The following CACNA2D1 variants were observed in gnomAD, a reference collection of about 807,000 sequenced individuals.
CACNA2D1 encodes the protein voltage-dependent calcium channel subunit alpha-2/delta-1.
CACNA2D1 carries 53 observed loss-of-function variants against 171.5 expected under a neutral mutation model. That is an observed-to-expected ratio of 0.31 (90% CI 0.25 to 0.39). The LOEUF (loss-of-function observed/expected upper bound fraction) is 0.39, where lower values mean the gene tolerates loss of function less well. CACNA2D1 is among the 10% of genes least tolerant of loss of function. The pLI is 1.00. For synonymous variants in CACNA2D1, 442 were observed against 443.1 expected, an observed-to-expected ratio of 1.00 and a Z score of 0.03; for missense variants, 903 against 1,299.8, an observed-to-expected ratio of 0.69 and a Z score of 4.69.
Position 81,962,604 on chromosome 7 carries a change from C to T in CACNA2D1, c.2781-109G>A, listed in dbSNP as rs563249631. The T allele has an allele frequency of 1.8e-4, 132 of 721,858 alleles. No homozygotes were observed. The East Asian group carries it at 3.5e-3, about 19-fold the overall frequency. The allele number at this position is 721,858 out of a possible 1,614,324, so 44.7% of individuals were successfully genotyped here. The stretch of plus-strand genomic sequence containing the variant: ...CCTTTATCTTTTTGGGAAAGAAAGT[C>T]TTGGAGTGTTTTTATTTAAGTATTT... On this transcript the variant is annotated intron_variant, in intron 34 of 38. Transcript: ENST00000356860.
At chr7:82,385,670 GTT>G (rs1824278254) in intron 1 of CACNA2D1, among the ~76,000 whole-genome samples, 1 of 137,554 alleles carries the variant, frequency 7.3e-6, no homozygotes, top group South Asian at 2.1e-4. Flanking sequence ...GTTTTGTTTT[GTT>G]TTGTTTTTTT....
At chr7:81,984,068 A>G (rs1796710190) in intron 22 of CACNA2D1, among the ~76,000 whole-genome samples, 2 of 152,334 alleles carry the variant, frequency 1.3e-5, no homozygotes, top group Admixed American at 6.5e-5. Context: ...GCTTAAAAAA[A>G]TTAATCCATT....
intron 6 of CACNA2D1, among the ~76,000 whole-genome samples, chr7:82,103,165 G>A (rs1228727095): frequency 1.3e-5 from 2 of 152,006 alleles, no homozygotes; most frequent in African/African-American, 4.8e-5. Flanking sequence ...AAAATTAGCT[G>A]GGCATGGTGG....
intron 21 of CACNA2D1, among the ~76,000 whole-genome samples, chr7:81,985,280 C>A (rs1439258423): frequency 6.8e-6 from 1 of 146,560 alleles, no homozygotes; most frequent in Admixed American, 6.9e-5. Context: ...TGGCTCATCA[C>A]AGCCTAAATC....
chr7:81,956,656 G>C (rs968101669), intron 38 of CACNA2D1, among the ~76,000 whole-genome samples: 1 of 151,962 alleles, frequency 6.6e-6, no homozygotes, highest in African/African-American at 2.4e-5. Flanking sequence ...GACTCCCTCT[G>C]CTATTCTACT....
At chr7:82,216,157 G>GA (rs1173644633) in intron 3 of CACNA2D1, among the ~76,000 whole-genome samples, 2 of 151,854 alleles carry the variant, frequency 1.3e-5, no homozygotes, top group Non-Finnish European at 2.9e-5. Flanking sequence ...CAACTCAATG[G>GA]AAAAAAATGC....
intron 3 of CACNA2D1, among the ~76,000 whole-genome samples, chr7:82,217,364 T>C (rs1360106529): frequency 4.7e-5 from 6 of 127,736 alleles, no homozygotes; most frequent in Non-Finnish European, 9.6e-5. Flanking sequence ...AAAAAATATA[T>C]ATATACACAC....
intron 1 of CACNA2D1, among the ~76,000 whole-genome samples, chr7:82,421,778 C>A (rs1828737400): frequency 6.6e-6 from 1 of 152,120 alleles, no homozygotes; most frequent in Non-Finnish European, 1.5e-5. Context: ...CATCTCATTG[C>A]AAATGAGGAT....
Position 82,443,365 on chromosome 7 carries a change from G to A in CACNA2D1, c.95C>T (p.Thr32Ile). Residue 32 changes from threonine (T) to isoleucine (I), a missense_variant and splice_region_variant, in exon 1 of 39, where the codon ACT (threonine) becomes ATT (isoleucine). Physicochemically the swap from Thr to Ile is moderately conservative, Grantham distance 89. This residue lies in a region of CACNA2D1 where 189 missense variants were observed against 266.8 expected (regional missense o/e 0.71). Transcript: ENST00000356860. ...SSEEPFPSAV[T>I]IKSWVDKMQE... ...CTCCCTGCCCGGCCCGCCGACTTAC[G>A]TGACGGCCGAAGGGAACGGCTCCTC... is the stretch of plus-strand genomic sequence containing the variant. The A allele has an allele frequency of 6.3e-7, 1 of 1,599,882 alleles. No homozygotes were observed. Among genetic ancestry groups the A allele is most frequent in the African/African-American group, 1.4e-5 (1 of 73,804 alleles).
At position 82,091,221 on chromosome 7, in the gene CACNA2D1, G is replaced by A. The variant is rs1811114680; in HGVS notation, c.527-6321C>T. 2.6e-5 allele frequency among the ~76,000 whole-genome samples: 4 copies of A among 152,320 alleles called. No individual in the cohort carries two copies. The South Asian group carries it at 8.3e-4, about 32-fold the overall frequency. On this transcript the variant is annotated intron_variant, in intron 6 of 38. Coordinates refer to ENST00000356860, the MANE Select transcript of CACNA2D1 (RefSeq NM_000722.4). ...TGAATAAGGTACAGGGAGATGGGAA[G>A]ACCAAATCTAATCTCTCTAATCATG...
chr7:82,091,636 T>G (rs150926970), intron 6 of CACNA2D1, among the ~76,000 whole-genome samples: 176 of 152,312 alleles, frequency 1.2e-3, no homozygotes, highest in African/African-American at 4.0e-3. Context: ...TAATGTCACT[T>G]GAAATAAAAT....
chr7:82,135,786 G>C (rs935626446), intron 5 of CACNA2D1, among the ~76,000 whole-genome samples: 3 of 152,046 alleles, frequency 2.0e-5, no homozygotes, highest in African/African-American at 7.2e-5. Flanking sequence ...TGATTCGGAT[G>C]AGAAATGTGT....
chr7:81,962,084 A>C (rs1584191838), intron 35 of CACNA2D1, 61 bp from the exon 36 acceptor site: 1 of 1,524,472 alleles, frequency 6.6e-7, no homozygotes, highest in Non-Finnish European at 9.1e-7. Context: ...CTCTGTAGTC[A>C]CTCCCCTCGA....
rs188476222 is a variant in CACNA2D1, at chr7:82,253,441, T to C, written c.294+81694A>G. Among the ~76,000 whole-genome samples, 437 of 152,312 alleles carry C rather than the reference T, an allele frequency of 2.9e-3. 1 individual carries two copies. Among genetic ancestry groups the C allele is most frequent in the African/African-American group, 9.8e-3 (409 of 41,564 alleles). ...GTAATTAAGGTATTGTCATACTGCATGTATCACACAATGTTCAAGAACTTT... is the reference window on the plus strand; with the variant it reads ...GTAATTAAGGTATTGTCATACTGCACGTATCACACAATGTTCAAGAACTTT... On this transcript the variant is annotated intron_variant, in intron 3 of 38. Coordinates refer to ENST00000356860, the MANE Select transcript of CACNA2D1 (RefSeq NM_000722.4).
intron 5 of CACNA2D1, among the ~76,000 whole-genome samples, chr7:82,123,868 T>C (rs773815330): frequency 1.3e-5 from 2 of 152,146 alleles, no homozygotes; most frequent in Non-Finnish European, 2.9e-5. Flanking sequence ...GTAAATAGAC[T>C]AGGTAGTATG....
chr7:82,207,830 T>C (rs1214865109), intron 3 of CACNA2D1, among the ~76,000 whole-genome samples: 3 of 152,224 alleles, frequency 2.0e-5, no homozygotes, highest in African/African-American at 7.2e-5. Flanking sequence ...TTACAGATTT[T>C]CCCATTCCAT....
At chr7:82,364,349 C>T (rs1199058910) in intron 1 of CACNA2D1, among the ~76,000 whole-genome samples, 1 of 152,164 alleles carries the variant, frequency 6.6e-6, no homozygotes, top group Non-Finnish European at 1.5e-5. Context: ...TCAAGAAGTT[C>T]ATAGCATGAT....
intron 5 of CACNA2D1, 133 bp from the exon 6 acceptor site, chr7:82,117,306 T>C: frequency 1.2e-6 from 1 of 830,896 alleles, no homozygotes; most frequent in Non-Finnish European, 1.9e-6. Context: ...TATAGTACCT[T>C]GATAGCATTG....
At chr7:82,188,276 A>G (rs1435530649) in intron 3 of CACNA2D1, among the ~76,000 whole-genome samples, 1 of 152,140 alleles carries the variant, frequency 6.6e-6, no homozygotes, top group African/African-American at 2.4e-5. Flanking sequence ...AATAGACCAA[A>G]GTATACTAAA....
Sources: allele counts gnomAD v4.1 joint callset (sites outside exome capture counted in the v4.1 genomes callset), GRCh38; gene constraint gnomAD v4.1.1; regional missense constraint gnomAD v4.1.1; transcripts MANE v1.5; gene names NCBI Gene and HGNC (gene_info 2026-07-23, HGNC 2026-07-21).